ELP6: variants seen among roughly 807,000 people sequenced by gnomAD.
ELP6 encodes the protein elongator acetyltransferase complex subunit 6, also known as elongator complex protein 6.
ELP6 carries 23 observed loss-of-function variants against 28.1 expected under a neutral mutation model. The ratio of observed to expected loss-of-function variants is 0.82; its 90% CI spans 0.59 to 1.16. The LOEUF (loss-of-function observed/expected upper bound fraction) is 1.16, where lower values mean the gene tolerates loss of function less well. ELP6 is among the 50% of genes most tolerant of loss of function. The pLI, the probability that ELP6 is intolerant of heterozygous loss-of-function variation, is 0.00. For missense variants in ELP6, 313 were observed against 334.6 expected (o/e 0.94, Z 0.50); for synonymous variants, 132 against 135.8 (o/e 0.97, Z 0.19).
chr3:47,501,778 C>G lies in ELP6; in HGVS notation c.397G>C (p.Glu133Gln), dbSNP rs769811559. ...AGCACCGGGTACGTCCACCGAGCCT[C>G]TCCACTGTCTACTGGCTTCAGGGCC... ...REALKPVDSG[E>Q]ARWTYPVLLV... Residue 133 changes from glutamate to glutamine, a missense_variant, in exon 5 of 7, where the codon GAG becomes CAG. Glu to Gln is a conservative substitution (Grantham distance 29). Coordinates refer to ENST00000296149, the MANE Select transcript of ELP6 (RefSeq NM_001031703.3). The G allele has an allele frequency of 6.2e-6, 10 of 1,614,110 alleles. No homozygotes were observed. The highest frequency in any genetic ancestry group is 8.5e-6 in the Non-Finnish European group (10 of 1,180,006).
chr3:47,506,975 A>T (rs904044226), intron 3 of ELP6, among the ~76,000 whole-genome samples: 4 of 152,180 alleles, frequency 2.6e-5, no homozygotes, highest in Admixed American at 1.3e-4. Flanking sequence ...CTGGGATTAC[A>T]GGTGTGAGCC....
At chr3:47,500,824 C>T (rs1226405762) in intron 5 of ELP6, among the ~76,000 whole-genome samples, 2 of 152,182 alleles carry the variant, frequency 1.3e-5, no homozygotes, top group African/African-American at 2.4e-5. Context: ...GCTGGATACC[C>T]ACACACCTGG....
intron 4 of ELP6, 123 bp downstream of exon 4, chr3:47,504,207 G>C (rs544590836): frequency 8.2e-7 from 1 of 1,222,760 alleles, no homozygotes; most frequent in South Asian, 1.8e-5. Flanking sequence ...CAGATGAAGT[G>C]TCTGACTCCT....
chr3:47,500,126 T>C, intron 5 of ELP6: 1 of 1,173,284 alleles, frequency 8.5e-7, no homozygotes, highest in Non-Finnish European at 1.1e-6. Context: ...GCCATTAAAT[T>C]ATAAATCAGG....
chr3:47,499,099 C>T (rs376302778), intron 5 of ELP6, among the ~76,000 whole-genome samples: 18 of 152,162 alleles, frequency 1.2e-4, no homozygotes, highest in Non-Finnish European at 1.6e-4. Context: ...TAAAGCTGGC[C>T]GGGGACAGTG....
At chr3:47,511,723 A>G (rs918946034) in intron 1 of ELP6, 5 of 837,992 alleles carry the variant, frequency 6.0e-6, no homozygotes, top group Non-Finnish European at 5.8e-6. Context: ...GATGTCTGAT[A>G]ACAAAGTTCA....
intron 3 of ELP6, among the ~76,000 whole-genome samples, chr3:47,506,825 G>T (rs1329024714): frequency 1.3e-5 from 2 of 152,180 alleles, no homozygotes; most frequent in Non-Finnish European, 2.9e-5. Context: ...ACAGGCACAG[G>T]AAATTATAAA....
intron 1 of ELP6, chr3:47,512,561 A>T (rs1372835434): frequency 1.0e-6 from 1 of 970,862 alleles, no homozygotes; most frequent in African/African-American, 1.8e-5. Context: ...AAATAAATAA[A>T]TAAATAAATA....
intron 5 of ELP6, chr3:47,499,873 G>T: frequency 8.0e-7 from 1 of 1,244,574 alleles, no homozygotes; most frequent in Non-Finnish European, 1.0e-6. Flanking sequence ...AGGAGAAGCT[G>T]CAGTGGGACC....
chr3:47,504,477 A>G lies in ELP6; in HGVS notation c.205-29T>C, dbSNP rs774382817. ...AACATGAAAAAGAGAGTGAGTTACT[A>G]TGCCTTGTAGGGGAACCCATCAGAC... On this transcript the variant is annotated intron_variant, in intron 3 of 6. Coordinates refer to ENST00000296149, the MANE Select transcript of ELP6 (RefSeq NM_001031703.3). The G allele has an allele frequency of 4.4e-6, 7 of 1,578,278 alleles. No homozygotes were observed. The Admixed American group carries it at 1.2e-4, about 28-fold the overall frequency.
At position 47,498,422 on chromosome 3, in the gene ELP6, AC is replaced by A. The variant is rs1334017275; in HGVS notation, c.535del (p.Val179TrpfsTer19). The A allele has an allele frequency of 9.3e-6, 15 of 1,612,436 alleles. No homozygotes were observed. The Admixed American group carries it at 1.0e-4, about 11-fold the overall frequency. ...TVCWELKGNMVVLVHDSGDAE... is the reference protein window; with the variant it reads ...TVCWELKGNMXVLVHDSGDAE... The stretch of plus-strand genomic sequence containing the variant: ...ATCTCCACTGTCGTGCACAAGGACC[AC>A]CATGTTTCCCTGCATCAGATACAAG... On this transcript the variant is annotated frameshift_variant, in exon 6 of 7. Transcript: ENST00000296149. LOFTEE classifies it high-confidence loss of function.
chr3:47,497,580 GC>G, intron 6 of ELP6, among the ~76,000 whole-genome samples: 1 of 151,130 alleles, frequency 6.6e-6, no homozygotes, highest in East Asian at 2.0e-4. Context: ...CAAGTGACCA[GC>G]CCGCCTCAGC....
intron 2 of ELP6, 84 bp from the exon 3 acceptor site, chr3:47,510,338 TG>T: frequency 2.5e-6 from 3 of 1,196,366 alleles, no homozygotes; most frequent in Non-Finnish European, 3.6e-6. Flanking sequence ...AAAAAAGCAC[TG>T]AGGCAAATCT....
intron 1 of ELP6, chr3:47,512,259 G>T: frequency 5.6e-6 from 1 of 179,128 alleles, no homozygotes; most frequent in Non-Finnish European, 1.1e-5. Context: ...ACCAGGCTGG[G>T]CGTGGTGGCT....
chr3:47,509,648 G>A (rs1020894160), intron 3 of ELP6, among the ~76,000 whole-genome samples: 1 of 152,208 alleles, frequency 6.6e-6, no homozygotes, highest in African/African-American at 2.4e-5. Flanking sequence ...GGTCCAGAAT[G>A]AGTAGAGAAA....
rs150854634 is a variant in ELP6 at position 47,497,981 on chromosome 3, T to C, written c.672+305A>G. The stretch of plus-strand genomic sequence containing the variant: ...GAATAGACGACGCCTGCTGCAGTAC[T>C]GCGGAGGAATTTTGCTGTTATTTGA... On this transcript the variant is annotated intron_variant, in intron 6 of 6. Coordinates refer to ENST00000296149, the MANE Select transcript of ELP6 (RefSeq NM_001031703.3). The C allele has an allele frequency of 3.0e-6, 3 of 985,230 alleles. No individual in the cohort carries two copies. The African/African-American group carries it at 5.2e-5, about 17-fold the overall frequency. The allele number at this position is 985,230 out of a possible 1,614,324, so 61.0% of individuals were successfully genotyped here. A position where few individuals can be genotyped will look rare whatever the true frequency, so the allele number is the denominator to read the frequency against.
At position 47,498,147 on chromosome 3, in the gene ELP6, TC is replaced by T. The variant is rs560956262; in HGVS notation, c.672+138del. The T allele has an allele frequency of 3.4e-4, 467 of 1,392,680 alleles. 1 individual carries two copies. The African/African-American group carries it at 5.9e-3, about 18-fold the overall frequency. 86.3% of individuals were successfully genotyped at this position (1,392,680 alleles called of 1,614,324 possible). The stretch of plus-strand genomic sequence containing the variant: ...TCTGGAGCAGGTCTATTACCTGAAG[TC>T]TCACAATTTCCAGTGTTTCCCTTCC... On this transcript the variant is annotated intron_variant, in intron 6 of 6. Transcript: ENST00000296149.
intron 6 of ELP6, 154 bp from the exon 7 acceptor site, chr3:47,496,351 A>G: frequency 1.0e-6 from 1 of 985,360 alleles, no homozygotes; most frequent in South Asian, 4.7e-5. Context: ...TGTAAAATAA[A>G]GCCTATCACC....
Position 47,513,650 on chromosome 3 carries a change from G to A in ELP6, c.-60C>T, listed in dbSNP as rs1163008070. The A allele has an allele frequency of 4.3e-5, 69 of 1,606,180 alleles. 1 individual carries two copies. In the South Asian group the frequency reaches 5.6e-4, roughly 13 times the overall value. ...CCCGGAGTGCTGCAGAGACGACGGA[G>A]GCTGGAGAGCAAAACACACCCGACA... On this transcript the variant is annotated 5_prime_UTR_variant, in exon 1 of 7. Coordinates refer to ENST00000296149, the MANE Select transcript of ELP6 (RefSeq NM_001031703.3).
Sources: allele counts gnomAD v4.1 joint callset (sites outside exome capture counted in the v4.1 genomes callset), GRCh38; gene constraint gnomAD v4.1.1; transcripts MANE v1.5; gene names NCBI Gene and HGNC (gene_info 2026-07-23, HGNC 2026-07-21).